Variants in NOVA1 observed in about 807,000 individuals in gnomAD.
NOVA1 encodes RNA-binding protein Nova-1.
A neutral mutation model predicts 38.0 loss-of-function variants in NOVA1; 7 were observed. The observed-to-expected ratio is 0.18, with a 90% CI of 0.10 to 0.35. The LOEUF (loss-of-function observed/expected upper bound fraction) is 0.35. Ranked by LOEUF, NOVA1 falls within the 10% of genes least tolerant of loss-of-function variation. The pLI is 1.00. For synonymous variants in NOVA1, 270 were observed against 232.5 expected, an observed-to-expected ratio of 1.16 and a Z score of -1.47; for missense variants, 460 against 616.0, an observed-to-expected ratio of 0.75 and a Z score of 2.68.
intron 4 of NOVA1, among the ~76,000 whole-genome samples, chr14:26,461,879 C>T (rs182015711): frequency 2.6e-5 from 4 of 151,594 alleles, no homozygotes; most frequent in South Asian, 4.2e-4. Flanking sequence ...GTGGGAGGTT[C>T]AGGTGAGCCG....
chr14:26,459,167 A>G (rs2138600362), intron 4 of NOVA1, among the ~76,000 whole-genome samples: 1 of 152,188 alleles, frequency 6.6e-6, no homozygotes, highest in Middle Eastern at 3.4e-3. Context: ...ATTCATGGTT[A>G]GTTCCCTATA....
At chr14:26,478,963 A>G (rs1885213317) in intron 3 of NOVA1, 1 of 151,850 alleles carries the variant, frequency 6.6e-6, no homozygotes, top group Non-Finnish European at 1.5e-5. Flanking sequence ...ATTATTCAAC[A>G]TTATATTTAT....
intron 2 of NOVA1, among the ~76,000 whole-genome samples, chr14:26,484,038 A>G (rs547764618): frequency 3.3e-5 from 5 of 152,142 alleles, no homozygotes; most frequent in Non-Finnish European, 5.9e-5. Context: ...GTACAGGTAA[A>G]ATGTAACTGA....
chr14:26,545,689 A>G (rs1890746626), intron 2 of NOVA1, among the ~76,000 whole-genome samples: 1 of 152,100 alleles, frequency 6.6e-6, no homozygotes, highest in Non-Finnish European at 1.5e-5. Context: ...AGGTAGGTGA[A>G]ATGATTCCCA....
chr14:26,463,004 AAAGAT>A (rs1013216751), intron 4 of NOVA1, among the ~76,000 whole-genome samples: 3 of 152,204 alleles, frequency 2.0e-5, no homozygotes, highest in African/African-American at 7.2e-5. Context: ...TTTGACTATT[AAAGAT>A]AGGGCCAAAT....
intron 4 of NOVA1, among the ~76,000 whole-genome samples, chr14:26,452,627 T>C (rs901821037): frequency 1.3e-5 from 2 of 152,206 alleles, no homozygotes. Flanking sequence ...ATGCTCTGGC[T>C]GAGAAAAATA....
chr14:26,585,287 C>A (rs1399917647), intron 2 of NOVA1, among the ~76,000 whole-genome samples: 1 of 151,258 alleles, frequency 6.6e-6, no homozygotes, highest in South Asian at 2.1e-4. Context: ...AAGTAACATA[C>A]TAATACCTTG....
At chr14:26,565,188 C>A (rs552563327) in intron 2 of NOVA1, among the ~76,000 whole-genome samples, 59 of 152,204 alleles carry the variant, frequency 3.9e-4, no homozygotes, top group Non-Finnish European at 6.6e-4. Context: ...CACTTCCTAT[C>A]TACACTCACT....
chr14:26,473,864 A>AT (rs1884778322), intron 3 of NOVA1, among the ~76,000 whole-genome samples: 1 of 151,974 alleles, frequency 6.6e-6, no homozygotes, highest in South Asian at 2.1e-4. Context: ...AATCCTCAAA[A>AT]TTCTAAAAAA....
At chr14:26,509,088 G>C (rs1440847097) in intron 2 of NOVA1, among the ~76,000 whole-genome samples, 2 of 152,044 alleles carry the variant, frequency 1.3e-5, no homozygotes, top group Non-Finnish European at 2.9e-5. Flanking sequence ...TTCAAAGTAA[G>C]ACATCTCAAG....
chr14:26,540,163 C>T (rs1890371775), intron 2 of NOVA1, among the ~76,000 whole-genome samples: 1 of 152,178 alleles, frequency 6.6e-6, no homozygotes. Context: ...CTTCCCTGAC[C>T]TATTAGGAGC....
In NOVA1 at chr14:26,597,284, G is replaced by A; in HGVS notation, c.136+17C>T. On this transcript the variant is annotated intron_variant, in intron 1 of 4. Coordinates refer to ENST00000539517, the MANE Select transcript of NOVA1 (RefSeq NM_002515.3). The stretch of plus-strand genomic sequence containing the variant: ...GGCGGGGGATGGGGCCAGCGGGGAG[G>A]TGGAAGCGATACCCACCGCCCGTAT... 1 of 1,243,428 alleles carries A rather than the reference G, an allele frequency of 8.0e-7. No homozygotes were observed. Among genetic ancestry groups the A allele is most frequent in the Admixed American group, 4.3e-5 (1 of 23,450 alleles). 77.0% of individuals were successfully genotyped at this position (1,243,428 alleles called of 1,614,324 possible).
At chr14:26,495,593 CCACT>C (rs199662674) in intron 2 of NOVA1, among the ~76,000 whole-genome samples, 37,117 of 150,052 alleles carry the variant, frequency 0.25, 5,414 homozygotes, top group African/African-American at 0.39. Context: ...TGCGCTGCAC[CCACT>C]AACTCATCAT....
chr14:26,597,166 G>A (rs1477938210), intron 1 of NOVA1, 135 bp downstream of exon 1: 53 of 1,190,740 alleles, frequency 4.5e-5, no homozygotes, highest in Non-Finnish European at 4.5e-5. Context: ...GGGGCGCAGG[G>A]GCCGCCGGGT....
chr14:26,459,256 A>G (rs1489864330), intron 4 of NOVA1, among the ~76,000 whole-genome samples: 1 of 152,070 alleles, frequency 6.6e-6, no homozygotes. Flanking sequence ...TTTATTCTGT[A>G]TTTTTAATAC....
At chr14:26,483,907 C>G (rs1482723354) in intron 2 of NOVA1, among the ~76,000 whole-genome samples, 1 of 152,092 alleles carries the variant, frequency 6.6e-6, no homozygotes, top group Non-Finnish European at 1.5e-5. Context: ...AAAATTGAGG[C>G]AATGACAAGG....
chr14:26,482,134 T>G (rs948173964), intron 2 of NOVA1, among the ~76,000 whole-genome samples: 2 of 151,646 alleles, frequency 1.3e-5, no homozygotes, highest in Admixed American at 6.6e-5. Flanking sequence ...GACTAACAGA[T>G]AGTGAGTGGA....
chr14:26,483,392 T>A (rs1885618052), intron 2 of NOVA1, among the ~76,000 whole-genome samples: 1 of 152,206 alleles, frequency 6.6e-6, no homozygotes, highest in African/African-American at 2.4e-5. Context: ...GTAGGAAATA[T>A]GTTGTAATTT....
chr14:26,460,637 AAATTC>A (rs888100775), intron 4 of NOVA1, among the ~76,000 whole-genome samples: 30 of 152,216 alleles, frequency 2.0e-4, no homozygotes, highest in Non-Finnish European at 4.0e-4. Flanking sequence ...GTCTCCGGAA[AAATTC>A]AATGATAAAA....
Sources: gnomAD v4.1 joint callset for allele counts (sites outside exome capture counted in the v4.1 genomes callset) on GRCh38, gnomAD v4.1.1 for gene constraint, MANE v1.5 for transcripts, NCBI Gene and HGNC (gene_info 2026-07-23, HGNC 2026-07-21) for gene names.